PCDHGA2: variants seen among roughly 807,000 people sequenced by gnomAD.
PCDHGA2 encodes protocadherin gamma subfamily A, 2.
PCDHGA2 carries 40 observed loss-of-function variants against 59.2 expected under a neutral mutation model. The ratio of observed to expected loss-of-function variants is 0.68; its 90% CI spans 0.52 to 0.88. PCDHGA2 has a LOEUF of 0.88. Among genes scored for constraint, PCDHGA2 ranks in the 40% least tolerant of loss-of-function variants. The pLI, the probability that PCDHGA2 is intolerant of heterozygous loss-of-function variation, is 0.00. For synonymous variants in PCDHGA2, 560 were observed against 526.0 expected (o/e 1.06, Z -0.89); for missense variants, 1,226 against 1,204.0 (o/e 1.02, Z -0.27).
intron 1 of PCDHGA2, among the ~76,000 whole-genome samples, chr5:141,420,742 A>T (rs967908996): frequency 6.6e-6 from 1 of 152,254 alleles, no homozygotes; most frequent in African/African-American, 2.4e-5. Flanking sequence ...AATCAATTGG[A>T]ACCAACTACA....
At chr5:141,423,994 A>G (rs2096794168) in intron 1 of PCDHGA2, 17 of 1,081,216 alleles carry the variant, frequency 1.6e-5, no homozygotes, top group Non-Finnish European at 1.8e-5. Flanking sequence ...TCAATTTATT[A>G]TATATAGATA....
chr5:141,473,117 C>A (rs976493841), intron 1 of PCDHGA2, among the ~76,000 whole-genome samples: 4 of 152,140 alleles, frequency 2.6e-5, no homozygotes, highest in Admixed American at 1.3e-4. Flanking sequence ...CTTTACTTGG[C>A]TCTTTGGCAA....
chr5:141,375,605 A>C, intron 1 of PCDHGA2: 2 of 1,614,082 alleles, frequency 1.2e-6, no homozygotes, highest in Non-Finnish European at 1.7e-6. Flanking sequence ...CGTGTCCATC[A>C]ACTCCGACAC....
In PCDHGA2 at chr5:141,476,908, A is replaced by G. The variant is rs754076231; in HGVS notation, c.2425-17899A>G. 6.2e-7 allele frequency: 1 copy of G among 1,614,050 alleles called. No individual in the cohort carries two copies. The highest frequency in any genetic ancestry group is 8.5e-7 in the Non-Finnish European group (1 of 1,180,038). On this transcript the variant is annotated intron_variant, in intron 1 of 3. Coordinates refer to ENST00000394576, the MANE Select transcript of PCDHGA2 (RefSeq NM_018915.4). This position sits in a 1 kb window ranked among gnomAD's most constrained non-coding sequence, Gnocchi z 7.6. ...ATGCACCCTCCGGCACGCGCGTGGT[A>G]CAAGTCCTTGCAACGGATCTGGATG...
intron 1 of PCDHGA2, among the ~76,000 whole-genome samples, chr5:141,343,646 T>G (rs1165242149): frequency 1.3e-5 from 2 of 152,256 alleles, no homozygotes; most frequent in African/African-American, 4.8e-5. Flanking sequence ...GGTGACACTG[T>G]TTAACATATA....
In PCDHGA2 at chr5:141,399,480, G is replaced by T. The variant is rs760135566; in HGVS notation, c.2424+58085G>T. ...ATAACGCTCCGGTTTTCCACCAGGC[G>T]TCCTACTTAGTCAGTGTACCCGAAA... On this transcript the variant is annotated intron_variant, in intron 1 of 3. Coordinates refer to ENST00000394576, the MANE Select transcript of PCDHGA2 (RefSeq NM_018915.4). The T allele has an allele frequency of 1.9e-5, 31 of 1,613,886 alleles. No homozygotes were observed. In the South Asian group the frequency reaches 3.2e-4, roughly 17 times the overall value.
rs367744321 is a variant in PCDHGA2, at chr5:141,489,394, C to G, written c.2425-5413C>G. The G allele has an allele frequency of 3.7e-6, 6 of 1,614,008 alleles. No individual in the cohort carries two copies. In the African/African-American group the frequency reaches 6.7e-5, roughly 18 times the overall value. On this transcript the variant is annotated intron_variant, in intron 1 of 3. Transcript: ENST00000394576. The surrounding 1 kb of genome is among the most constrained non-coding windows in gnomAD (Gnocchi z 4.5). ...GCTGGTGGGGAATGTTGCTCAGGATCTGGGCTTAAAGATGACAGATCTGTT... is the reference window on the plus strand; with the variant it reads ...GCTGGTGGGGAATGTTGCTCAGGATGTGGGCTTAAAGATGACAGATCTGTT...
chr5:141,409,825 G>T (rs748261010), intron 1 of PCDHGA2: 8 of 1,610,680 alleles, frequency 5.0e-6, no homozygotes, highest in Admixed American at 3.4e-5. Context: ...GCTCGCCCAC[G>T]CTCAGCGCCA....
At position 141,394,582 on chromosome 5, in the gene PCDHGA2, A is replaced by C. The variant is rs1459158771; in HGVS notation, c.2424+53187A>C. The C allele has an allele frequency of 2.5e-6, 4 of 1,613,598 alleles. No individual in the cohort carries two copies. In the African/African-American group the frequency reaches 4.0e-5, roughly 16 times the overall value. ...GCAGAGCGTGGCTACCTGGTGACCA[A>C]GGTGGTGGCGGTGGACAGAGACTCG... On this transcript the variant is annotated intron_variant, in intron 1 of 3. Coordinates refer to ENST00000394576, the MANE Select transcript of PCDHGA2 (RefSeq NM_018915.4).
chr5:141,470,023 G>A (rs1258101057), intron 1 of PCDHGA2, among the ~76,000 whole-genome samples: 1 of 152,110 alleles, frequency 6.6e-6, no homozygotes, highest in Admixed American at 6.6e-5. Context: ...CAGCTACTCG[G>A]GATGCTGAGG....
chr5:141,498,656 G>A (rs2154592341), intron 2 of PCDHGA2, among the ~76,000 whole-genome samples: 1 of 152,336 alleles, frequency 6.6e-6, no homozygotes, highest in Non-Finnish European at 1.5e-5. Context: ...ACCTGGCCAG[G>A]TGTGGTGGCT....
At position 141,486,315 on chromosome 5, in the gene PCDHGA2, C is replaced by T. The variant is rs1432435944; in HGVS notation, c.2425-8492C>T. The T allele has an allele frequency of 6.2e-7, 1 of 1,614,066 alleles. No individual in the cohort carries two copies. Among genetic ancestry groups the T allele is most frequent in the East Asian group, 2.2e-5 (1 of 44,862 alleles). ...AGTGTGCAGGATCCAGACTCAGGGT[C>T]AAACGGAGATGTGAGCCTCCGCATT... On this transcript the variant is annotated intron_variant, in intron 1 of 3. Transcript: ENST00000394576. The surrounding 1 kb of genome is among the most constrained non-coding windows in gnomAD (Gnocchi z 5.0).
chr5:141,384,731 C>T, intron 1 of PCDHGA2: 1 of 1,614,086 alleles, frequency 6.2e-7, no homozygotes, highest in South Asian at 1.1e-5. Context: ...CTGCTTAAGG[C>T]CAGCGAGCCA....
At chr5:141,383,570 G>T in intron 1 of PCDHGA2, 2 of 1,613,234 alleles carry the variant, frequency 1.2e-6, no homozygotes, top group Non-Finnish European at 1.7e-6. Context: ...CCCCGATCCA[G>T]CACCGCCCAC....
At chr5:141,440,605 C>G (rs1214459401) in intron 1 of PCDHGA2, 1 of 152,228 alleles carries the variant, frequency 6.6e-6, no homozygotes, top group East Asian at 1.9e-4. Context: ...TGCAACAGAA[C>G]CTGCAGAAGA....
At chr5:141,456,312 G>A (rs1036961015) in intron 1 of PCDHGA2, among the ~76,000 whole-genome samples, 2 of 152,126 alleles carry the variant, frequency 1.3e-5, no homozygotes, top group African/African-American at 4.8e-5. Flanking sequence ...AGCAGCTAGG[G>A]CTCCTCCTGG....
chr5:141,490,288 G>A lies in PCDHGA2; in HGVS notation c.2425-4519G>A. On this transcript the variant is annotated intron_variant, in intron 1 of 3. Coordinates refer to ENST00000394576, the MANE Select transcript of PCDHGA2 (RefSeq NM_018915.4). The surrounding 1 kb of genome is among the most constrained non-coding windows in gnomAD (Gnocchi z 5.4). ...GGATGTCAATGACAATGCCCCAGAG[G>A]TGCTATTGGCCTCTTTGGCCAACCC... The A allele has an allele frequency of 3.7e-6, 6 of 1,614,198 alleles. No individual in the cohort carries two copies. The highest frequency in any genetic ancestry group is 5.1e-6 in the Non-Finnish European group (6 of 1,180,042).
At position 141,372,147 on chromosome 5, in the gene PCDHGA2, G is replaced by A. The variant is rs374383984; in HGVS notation, c.2424+30752G>A. ...TATGGTGCCGCGCTCTGCAGAGCCT[G>A]GCTACCTGGTGACCAAGGTGGTGGC... On this transcript the variant is annotated intron_variant, in intron 1 of 3. Coordinates refer to ENST00000394576, the MANE Select transcript of PCDHGA2 (RefSeq NM_018915.4). 52 of 1,613,776 alleles carry A rather than the reference G, an allele frequency of 3.2e-5. No homozygotes were observed. In the Middle Eastern group the frequency reaches 5.0e-4, roughly 15 times the overall value.
intron 1 of PCDHGA2, chr5:141,351,522 C>T (rs773991273): frequency 4.3e-6 from 7 of 1,614,018 alleles, no homozygotes; most frequent in Non-Finnish European, 5.9e-6. Flanking sequence ...ATCATAGCCA[C>T]CGACAAGGGC....
Sources: gnomAD v4.1 joint callset for allele counts (sites outside exome capture counted in the v4.1 genomes callset) on GRCh38, gnomAD v4.1.1 for gene constraint, Gnocchi (gnomAD v3.1) non-coding constraint, MANE v1.5 for transcripts, NCBI Gene and HGNC (gene_info 2026-07-23, HGNC 2026-07-21) for gene names.